CPT1A: variants seen among roughly 807,000 people sequenced by gnomAD.
CPT1A encodes the protein carnitine palmitoyltransferase 1A, also known as carnitine O-palmitoyltransferase 1, liver isoform.
In CPT1A, 64 loss-of-function variants were observed where a neutral mutation model predicts 100.8. The observed-to-expected ratio is 0.63, with a 90% CI of 0.52 to 0.78. The LOEUF is 0.78. Among genes scored for constraint, CPT1A ranks in the 30% least tolerant of loss-of-function variants. CPT1A has a pLI of 0.00. For synonymous variants in CPT1A, 363 were observed against 396.0 expected (o/e 0.92, Z 0.99); for missense variants, 802 against 1,034.1 (o/e 0.78, Z 3.08).
rs544736843 is a variant in CPT1A at position 68,816,958 on chromosome 11, T to C, written c.-13-1471A>G. Among the ~76,000 whole-genome samples the C allele has an allele frequency of 1.5e-4, 16 of 105,034 alleles. No homozygotes were observed. In the East Asian group the frequency reaches 4.5e-3, roughly 30 times the overall value. The allele number at this position is 105,034 out of a possible 152,430, so 68.9% of individuals were successfully genotyped here. A position where few individuals can be genotyped will look rare whatever the true frequency, so the allele number is the denominator to read the frequency against. On this transcript the variant is annotated intron_variant, in intron 1 of 18. Transcript: ENST00000265641. ...GTGTGGGGTGAGTGTGTGTGGTGTG[T>C]ATGGTGTGTGTGTGGTGTGGGGGGG... is the stretch of plus-strand genomic sequence containing the variant.
intron 1 of CPT1A, among the ~76,000 whole-genome samples, chr11:68,816,126 C>T (rs1016806435): frequency 1.3e-5 from 2 of 152,200 alleles, no homozygotes. Flanking sequence ...TGCAGCCAGG[C>T]CCTTGGAGGC....
intron 16 of CPT1A, among the ~76,000 whole-genome samples, chr11:68,760,968 C>G (rs1158434877): frequency 6.6e-6 from 1 of 151,876 alleles, no homozygotes; most frequent in East Asian, 1.9e-4. Context: ...TTTCAGTGAG[C>G]CAAGATGGCG....
intron 14 of CPT1A, among the ~76,000 whole-genome samples, chr11:68,769,693 G>A (rs558775218): frequency 6.6e-6 from 1 of 152,176 alleles, no homozygotes; most frequent in African/African-American, 2.4e-5. Flanking sequence ...CAAGCCTCAA[G>A]ATCAACTGGG....
intron 14 of CPT1A, among the ~76,000 whole-genome samples, chr11:68,769,074 C>T (rs1362743387): frequency 6.6e-6 from 1 of 152,120 alleles, no homozygotes; most frequent in African/African-American, 2.4e-5. Context: ...GGTCTGACTC[C>T]TTATTTCTCT....
At chr11:68,812,642 G>T in intron 2 of CPT1A, 66 bp from the exon 3 acceptor site, 2 of 1,587,012 alleles carry the variant, frequency 1.3e-6, no homozygotes, top group Non-Finnish European at 1.7e-6. Flanking sequence ...GACGCTTCAT[G>T]GCCCCTGGCA....
Position 68,757,521 on chromosome 11 carries a change from G to A in CPT1A, c.*123C>T. ...GAAAAAAAAACACCCACATTTTCTG[G>A]AAGGAAAACTGAGTTTTTTTAAGAG... is the stretch of plus-strand genomic sequence containing the variant. On this transcript the variant is annotated 3_prime_UTR_variant, in exon 19 of 19. Transcript: ENST00000265641. 2 of 1,544,844 alleles carry A rather than the reference G, an allele frequency of 1.3e-6. No homozygotes were observed. Among genetic ancestry groups the A allele is most frequent in the Non-Finnish European group, 1.7e-6 (2 of 1,148,306 alleles).
rs35803657 is a variant in CPT1A, at chr11:68,756,112, C to CA, written c.*1531dup. ...GGGCAACAAGAGTGAAACTCCATCT[C>CA]AAAAAAAAAAAAAAAAAAAAAGGCA... On this transcript the variant is annotated 3_prime_UTR_variant, in exon 19 of 19. Coordinates refer to ENST00000265641, the MANE Select transcript of CPT1A (RefSeq NM_001876.4). 0.89 allele frequency: 73,420 copies of CA among 82,112 alleles called. 33,243 individuals are homozygous for CA. Among genetic ancestry groups the CA allele is most frequent in the Admixed American group, 0.92 (6,056 of 6,586 alleles). 5.1% of individuals were successfully genotyped at this position (82,112 alleles called of 1,614,324 possible). A position where few individuals can be genotyped will look rare whatever the true frequency, so the allele number is the denominator to read the frequency against.
chr11:68,793,289 G>C, intron 9 of CPT1A, 26 bp downstream of exon 9: 1 of 1,561,378 alleles, frequency 6.4e-7, no homozygotes. Flanking sequence ...CGATTCTCCA[G>C]GGGGCCCTGA....
chr11:68,839,793 G>C (rs918586018), intron 1 of CPT1A: 9 of 851,038 alleles, frequency 1.1e-5, no homozygotes, highest in Admixed American at 1.2e-4. Context: ...GCTCCCCGGA[G>C]GCCCAACTTG....
At chr11:68,825,445 G>T (rs989694012) in intron 1 of CPT1A, among the ~76,000 whole-genome samples, 1 of 152,060 alleles carries the variant, frequency 6.6e-6, no homozygotes, top group Non-Finnish European at 1.5e-5. Context: ...TAACCCATCC[G>T]GAGCCAGGGA....
Position 68,818,857 on chromosome 11 carries a change from C to A in CPT1A, c.-13-3370G>T, listed in dbSNP as rs3019609. Among the ~76,000 whole-genome samples, 46 of 5,642 alleles carry A rather than the reference C, an allele frequency of 8.2e-3. 1 individual carries two copies. The Admixed American group carries it at 0.17, about 20-fold the overall frequency. The allele number at this position is 5,642 out of a possible 152,430, so 3.7% of individuals were successfully genotyped here. ...AGGGCGACAGAGTGAGACCCTATCT[C>A]AACAACAACAACAACAAAACAACAG... is the stretch of plus-strand genomic sequence containing the variant. On this transcript the variant is annotated intron_variant, in intron 1 of 18. Transcript: ENST00000265641.
chr11:68,792,771 G>A (rs1205289909), intron 9 of CPT1A, among the ~76,000 whole-genome samples: 1 of 152,206 alleles, frequency 6.6e-6, no homozygotes, highest in Non-Finnish European at 1.5e-5. Flanking sequence ...AAAACACTCA[G>A]CTGTGTGTGA....
intron 9 of CPT1A, among the ~76,000 whole-genome samples, chr11:68,790,671 T>G (rs886415852): frequency 6.6e-6 from 1 of 152,186 alleles, no homozygotes; most frequent in Non-Finnish European, 1.5e-5. Flanking sequence ...AAGAAACTTC[T>G]TTTGTCTTAA....
At position 68,755,072 on chromosome 11, in the gene CPT1A, C is replaced by G; in HGVS notation, c.*2572G>C. On this transcript the variant is annotated 3_prime_UTR_variant, in exon 19 of 19. Transcript: ENST00000265641. ...TAAACAGATAATACTCTTATCACCC[C>G]CCTTGGACATGTACAATAAGACCCC... 1.9e-6 allele frequency: 1 copy of G among 537,280 alleles called. No individual in the cohort carries two copies. The highest frequency in any genetic ancestry group is 3.3e-6 in the Non-Finnish European group (1 of 300,868). The allele number at this position is 537,280 out of a possible 1,614,324, so 33.3% of individuals were successfully genotyped here. A position where few individuals can be genotyped will look rare whatever the true frequency, so the allele number is the denominator to read the frequency against.
chr11:68,785,116 G>T, intron 9 of CPT1A, 106 bp from the exon 10 acceptor site: 1 of 937,544 alleles, frequency 1.1e-6, no homozygotes. Context: ...TCCCTGCTCT[G>T]CGTCTCTCCA....
chr11:68,826,733 C>A (rs1336889165), intron 1 of CPT1A, among the ~76,000 whole-genome samples: 31 of 142,418 alleles, frequency 2.2e-4, no homozygotes, highest in South Asian at 2.2e-4. Flanking sequence ...GACTCCCTGT[C>A]AAAAAAAAAA....
In CPT1A at chr11:68,769,421, T is replaced by G. The variant is rs1011602531; in HGVS notation, c.1740+3844A>C. On this transcript the variant is annotated intron_variant, in intron 14 of 18. Coordinates refer to ENST00000265641, the MANE Select transcript of CPT1A (RefSeq NM_001876.4). ...TGGGCTAATTTTTTTTTTTTTTTTT[T>G]TGTATTTTTTGTACAGATAGAGTCT... Among the ~76,000 whole-genome samples, 588 of 147,600 alleles carry G rather than the reference T, an allele frequency of 4.0e-3. 4 individuals carry two copies. The highest frequency in any genetic ancestry group is 0.014 in the African/African-American group (554 of 38,388).
intron 1 of CPT1A, among the ~76,000 whole-genome samples, chr11:68,838,675 G>A (rs1182469086): frequency 6.6e-6 from 1 of 150,638 alleles, no homozygotes; most frequent in East Asian, 2.0e-4. Flanking sequence ...CTGGGCTGAA[G>A]CCATCCTCCC....
intron 1 of CPT1A, among the ~76,000 whole-genome samples, chr11:68,816,488 T>C (rs1856392974): frequency 6.6e-6 from 1 of 152,180 alleles, no homozygotes; most frequent in African/African-American, 2.4e-5. Flanking sequence ...CCTGGCCGGC[T>C]GCAGAAAACT....
Sources: gnomAD v4.1 joint callset for allele counts (sites outside exome capture counted in the v4.1 genomes callset) on GRCh38, gnomAD v4.1.1 for gene constraint, MANE v1.5 for transcripts, NCBI Gene and HGNC (gene_info 2026-07-23, HGNC 2026-07-21) for gene names.